CWF19L1: variants seen among roughly 807,000 people sequenced by gnomAD.
CWF19L1 encodes the protein CWF19 like cell cycle control factor 1, also known as CWF19-like protein 1.
Under a neutral mutation model 69.7 loss-of-function variants are expected in CWF19L1, and 60 were observed. The ratio of observed to expected loss-of-function variants is 0.86; its 90% CI spans 0.70 to 1.07. The LOEUF (loss-of-function observed/expected upper bound fraction) is 1.07. CWF19L1 is among the 50% of genes least tolerant of loss of function. The probability of loss-of-function intolerance (pLI) is 0.00; values close to 1 mark genes in which losing one functional copy is unlikely to be tolerated. For synonymous variants in CWF19L1, 209 were observed against 222.2 expected (o/e 0.94, Z 0.53); for missense variants, 591 against 638.9 (o/e 0.92, Z 0.81).
Position 100,235,720 on chromosome 10 carries a change from T to G in CWF19L1, c.1419A>C (p.Thr473=), listed in dbSNP as rs139693285. Residue 473 remains threonine, a synonymous_variant, in exon 13 of 14, where the codon ACA becomes ACC. Coordinates refer to ENST00000354105, the MANE Select transcript of CWF19L1 (RefSeq NM_018294.6). ...GAAYFYVELD[T]GEKLFHRIKK... ...TAATTCTGTGGAAAAGCTTTTCTCC[T>G]GTGTCAAGTTCAACATAAAAATATG... 1.4e-3 allele frequency: 2,180 copies of G among 1,612,474 alleles called. 2 individuals are homozygous for G. Among genetic ancestry groups the G allele is most frequent in the Non-Finnish European group, 1.7e-3 (2,028 of 1,179,920 alleles).
rs541793231 is a variant in CWF19L1 at position 100,232,362 on chromosome 10, C to T, written c.*865G>A. On this transcript the variant is annotated 3_prime_UTR_variant, in exon 14 of 14. Coordinates refer to ENST00000354105, the MANE Select transcript of CWF19L1 (RefSeq NM_018294.6). ...AGGTTTTTGAAAATGTTGATATACA[C>T]AAGCTGTACTTGGAGCTGGATAACA... is the stretch of plus-strand genomic sequence containing the variant. The T allele has an allele frequency of 1.3e-5, 2 of 152,260 alleles. No individual in the cohort carries two copies. The highest frequency in any genetic ancestry group is 1.3e-4 in the Admixed American group (2 of 15,292). The allele number at this position is 152,260 out of a possible 1,614,324, so 9.4% of individuals were successfully genotyped here.
At chr10:100,251,679 T>G (rs375652206) in intron 6 of CWF19L1, among the ~76,000 whole-genome samples, 1 of 151,960 alleles carries the variant, frequency 6.6e-6, no homozygotes, top group Admixed American at 6.6e-5. Context: ...GCCCAGCTAA[T>G]TTTTTGTATT....
rs1846982102 is a variant in CWF19L1, at chr10:100,250,306, G to C, written c.650C>G (p.Ala217Gly). 4.3e-6 allele frequency: 7 copies of C among 1,611,688 alleles called. No homozygotes were observed. The East Asian group carries it at 8.9e-5, about 21-fold the overall frequency. ...AGCTATAAACCGGGTGGCATGCTGT[G>C]CATTTTCCTGTAGAATGATATGGTT... ...YRNHIILQENAQHATRFIALA... is the reference protein window; with the variant it reads ...YRNHIILQENGQHATRFIALA... Residue 217 changes from alanine (A) to glycine (G), a missense_variant, in exon 7 of 14, where the codon GCA (alanine) becomes GGA (glycine). By Grantham distance (60) the Ala-to-Gly change is moderately conservative. Around this residue, in one of 3 missense-constraint regions of CWF19L1, gnomAD observed 458 missense variants for 489.3 expected, o/e 0.94. Transcript: ENST00000354105.
intron 7 of CWF19L1, chr10:100,248,733 C>G: frequency 1.7e-6 from 2 of 1,187,458 alleles, no homozygotes; most frequent in Non-Finnish European, 2.5e-6. Flanking sequence ...AGCAAGCAGC[C>G]ACCTTTGGGC....
chr10:100,241,199 G>T (rs1293442025), intron 10 of CWF19L1, among the ~76,000 whole-genome samples: 1 of 151,794 alleles, frequency 6.6e-6, no homozygotes, highest in Non-Finnish European at 1.5e-5. Context: ...TAGAGACAGG[G>T]TTTCACCTTC....
intron 9 of CWF19L1, among the ~76,000 whole-genome samples, chr10:100,244,419 G>C (rs572820295): frequency 6.6e-6 from 1 of 152,120 alleles, no homozygotes; most frequent in Non-Finnish European, 1.5e-5. Flanking sequence ...ACAGTGGCGC[G>C]ATCTCGGCTC....
intron 4 of CWF19L1, 97 bp downstream of exon 4, chr10:100,260,121 T>C (rs1589632575): frequency 7.1e-6 from 5 of 705,440 alleles, no homozygotes; most frequent in South Asian, 5.3e-5. Context: ...TGAGCCAAGA[T>C]TGCGCCACTG....
chr10:100,233,477 C>T (rs1030146454), intron 13 of CWF19L1, 106 bp from the exon 14 acceptor site: 140 of 1,098,152 alleles, frequency 1.3e-4, no homozygotes, highest in Non-Finnish European at 1.7e-4. Flanking sequence ...CTCTCCTGCC[C>T]TGAGTGCCAT....
At chr10:100,243,959 C>T (rs551932819) in intron 9 of CWF19L1, among the ~76,000 whole-genome samples, 182 bp from the exon 10 acceptor site, 1 of 152,356 alleles carries the variant, frequency 6.6e-6, no homozygotes, top group Admixed American at 6.5e-5. Flanking sequence ...TGAAATTAAA[C>T]TTCCATTAGA....
chr10:100,260,174 A>G (rs764529583), intron 4 of CWF19L1, 44 bp downstream of exon 4: 6 of 1,383,002 alleles, frequency 4.3e-6, no homozygotes, highest in Non-Finnish European at 6.1e-6. Flanking sequence ...TCTCAAAAAC[A>G]AAAAACAAAA....
At chr10:100,246,598 G>C (rs1279407279) in intron 8 of CWF19L1, among the ~76,000 whole-genome samples, 197 bp downstream of exon 8, 2 of 152,088 alleles carry the variant, frequency 1.3e-5, no homozygotes, top group Middle Eastern at 3.2e-3. Context: ...AAGACCTAAT[G>C]TATCAAACTG....
chr10:100,263,206 A>G (rs1847463989), intron 1 of CWF19L1, among the ~76,000 whole-genome samples: 1 of 152,174 alleles, frequency 6.6e-6, no homozygotes, highest in Non-Finnish European at 1.5e-5. Context: ...GAGGTTCCCC[A>G]CTGCCTATAG....
intron 4 of CWF19L1, among the ~76,000 whole-genome samples, chr10:100,257,902 A>G (rs1012676232): frequency 1.1e-4 from 16 of 151,980 alleles, no homozygotes; most frequent in Non-Finnish European, 1.8e-4. Flanking sequence ...TCATTATGGG[A>G]CCAACTCTCC....
rs1376921366 is a variant in CWF19L1 at position 100,267,554 on chromosome 10, C to T, written c.23+17G>A. 1 of 1,614,198 alleles carries T rather than the reference C, an allele frequency of 6.2e-7. No individual in the cohort carries two copies. The highest frequency in any genetic ancestry group is 2.2e-5 in the East Asian group (1 of 44,882). Reference sequence around the variant, plus strand: ...AAAGAGACACAGGGAGAGAGGCTTCCATTCACGGTCACTCACAGGCGCAGC... The same window carrying T: ...AAAGAGACACAGGGAGAGAGGCTTCTATTCACGGTCACTCACAGGCGCAGC... On this transcript the variant is annotated intron_variant, in intron 1 of 13. Coordinates refer to ENST00000354105, the MANE Select transcript of CWF19L1 (RefSeq NM_018294.6).
rs142571395 is a variant in CWF19L1, at chr10:100,246,927, G to A, written c.717C>T (p.Tyr239=). 68 of 1,605,236 alleles carry A rather than the reference G, an allele frequency of 4.2e-5. No individual in the cohort carries two copies. Among genetic ancestry groups the A allele is most frequent in the Non-Finnish European group, 5.2e-5 (61 of 1,174,214 alleles). Residue 239 remains tyrosine (Y), a synonymous_variant, in exon 8 of 14, where the codon TAC becomes TAT. Coordinates refer to ENST00000354105, the MANE Select transcript of CWF19L1 (RefSeq NM_018294.6). ...VGNPEKKKYL[Y]AFSIVPMKLM... is the part of the protein sequence containing the mutation. ...GCTTCATGGGAACAATACTGAACGC[G>A]TAAAGATACTTTAGAGAAAAAGAAC...
chr10:100,245,671 G>T, intron 9 of CWF19L1, 128 bp downstream of exon 9: 1 of 664,448 alleles, frequency 1.5e-6, no homozygotes, highest in Non-Finnish European at 2.6e-6. Flanking sequence ...TTTTACTGTT[G>T]GTCCTAATGA....
intron 2 of CWF19L1, 80 bp downstream of exon 2, chr10:100,261,899 A>G (rs1847414573): frequency 6.5e-6 from 8 of 1,232,592 alleles, no homozygotes; most frequent in Non-Finnish European, 7.9e-6. Context: ...GTGTTCAATC[A>G]AGACTTAAAG....
chr10:100,243,965 T>C (rs761384328), intron 9 of CWF19L1, among the ~76,000 whole-genome samples, 188 bp from the exon 10 acceptor site: 1 of 152,198 alleles, frequency 6.6e-6, no homozygotes, highest in Non-Finnish European at 1.5e-5. Context: ...TAAACTTCCA[T>C]TAGAATTTGT....
intron 10 of CWF19L1, among the ~76,000 whole-genome samples, chr10:100,243,113 A>G (rs1213278180): frequency 6.6e-6 from 1 of 152,204 alleles, no homozygotes; most frequent in Non-Finnish European, 1.5e-5. Flanking sequence ...ATCCATTCCT[A>G]GGTCTATCCA....
Sources: gnomAD v4.1 joint callset for allele counts (sites outside exome capture counted in the v4.1 genomes callset) on GRCh38, gnomAD v4.1.1 for gene constraint, gnomAD v4.1.1 regional missense constraint, MANE v1.5 for transcripts, NCBI Gene and HGNC (gene_info 2026-07-23, HGNC 2026-07-21) for gene names.